Variants in TTC28 observed in about 807,000 individuals in gnomAD.
TTC28 encodes tetratricopeptide repeat domain 28.
In TTC28, 61 loss-of-function variants were observed where a neutral mutation model predicts 198.0. That is an observed-to-expected ratio of 0.31 (90% CI 0.25 to 0.38). The LOEUF is 0.38. Ranked by LOEUF, TTC28 falls within the 10% of genes least tolerant of loss-of-function variation. The pLI is 1.00. For synonymous variants in TTC28, 1,171 were observed against 1,297.8 expected (o/e 0.90, Z 2.10); for missense variants, 2,678 against 3,164.0 (o/e 0.85, Z 3.69).
rs1025742673 is a variant in TTC28 at position 28,101,676 on chromosome 22, T to A, written c.3308-396A>T. On this transcript the variant is annotated intron_variant, in intron 8 of 22. Transcript: ENST00000397906. Reference sequence around the variant, plus strand: ...CCCACCCAATTTTGCTTCAGGTGTCTATAAAAGAATGTTAACAAGAGCCAC... The same window carrying A: ...CCCACCCAATTTTGCTTCAGGTGTCAATAAAAGAATGTTAACAAGAGCCAC... Among the ~76,000 whole-genome samples the A allele has an allele frequency of 4.0e-5, 6 of 149,898 alleles. No homozygotes were observed. The Admixed American group carries it at 4.0e-4, about 10-fold the overall frequency.
At chr22:28,317,812 G>C (rs2045376211) in intron 2 of TTC28, among the ~76,000 whole-genome samples, 1 of 152,154 alleles carries the variant, frequency 6.6e-6, no homozygotes, top group Non-Finnish European at 1.5e-5. Context: ...GAGGAAAAAA[G>C]TATTGTAAAT....
chr22:28,533,246 C>T (rs1325730855), intron 2 of TTC28, among the ~76,000 whole-genome samples: 1 of 152,154 alleles, frequency 6.6e-6, no homozygotes, highest in Non-Finnish European at 1.5e-5. Context: ...AAATCACAAG[C>T]ATTCCTATAC....
At chr22:28,535,697 G>C (rs533607263) in intron 2 of TTC28, among the ~76,000 whole-genome samples, 1 of 151,968 alleles carries the variant, frequency 6.6e-6, no homozygotes, top group Non-Finnish European at 1.5e-5. Context: ...CTTCCCCCTT[G>C]CCAATCTTGT....
intron 8 of TTC28, among the ~76,000 whole-genome samples, chr22:28,102,460 G>C (rs543144310): frequency 6.6e-6 from 1 of 152,272 alleles, no homozygotes; most frequent in East Asian, 1.9e-4. Flanking sequence ...CAACCTTGAG[G>C]GCTTTGTGAG....
intron 6 of TTC28, among the ~76,000 whole-genome samples, chr22:28,127,417 C>A (rs1751792617): frequency 6.6e-6 from 1 of 152,126 alleles, no homozygotes; most frequent in South Asian, 2.1e-4. Flanking sequence ...ACCAACCAAC[C>A]TCCCCTAATC....
At chr22:28,357,371 A>C (rs1485143302) in intron 2 of TTC28, among the ~76,000 whole-genome samples, 1 of 143,268 alleles carries the variant, frequency 7.0e-6, no homozygotes, top group Non-Finnish European at 1.5e-5. Context: ...GGTGGAGTAC[A>C]GTGGTGCAAT....
chr22:28,661,382 C>T (rs1225241793), intron 1 of TTC28, among the ~76,000 whole-genome samples: 3 of 152,144 alleles, frequency 2.0e-5, no homozygotes, highest in Admixed American at 6.5e-5. Context: ...TCAGGTACTA[C>T]ATTAAGTATT....
chr22:28,052,807 A>T (rs533585882), intron 12 of TTC28, among the ~76,000 whole-genome samples: 29 of 152,378 alleles, frequency 1.9e-4, no homozygotes, highest in African/African-American at 7.0e-4. Context: ...TCACAAAGTA[A>T]CTAAACAAGA....
intron 2 of TTC28, among the ~76,000 whole-genome samples, chr22:28,501,383 G>C (rs1001332873): frequency 1.3e-5 from 2 of 152,084 alleles, no homozygotes; most frequent in Non-Finnish European, 2.9e-5. Context: ...AGTAGAAAAT[G>C]GTATGACGTG....
intron 2 of TTC28, among the ~76,000 whole-genome samples, chr22:28,343,740 A>G (rs186636223): frequency 1.6e-4 from 25 of 152,324 alleles, no homozygotes; most frequent in Non-Finnish European, 2.8e-4. Context: ...CAACATTTTC[A>G]TTGAGTACGT....
chr22:28,039,266 A>G (rs1939507183), intron 12 of TTC28, among the ~76,000 whole-genome samples: 1 of 152,212 alleles, frequency 6.6e-6, no homozygotes, highest in African/African-American at 2.4e-5. Context: ...ACTTGGAACC[A>G]ACCCAAATGT....
intron 12 of TTC28, among the ~76,000 whole-genome samples, chr22:28,085,939 A>G (rs1941575355): frequency 6.6e-6 from 1 of 152,178 alleles, no homozygotes; most frequent in Admixed American, 6.5e-5. Flanking sequence ...TGGTAAAGGG[A>G]TCAATTCAAC....
chr22:28,620,874 C>A (rs1355909658), intron 2 of TTC28, among the ~76,000 whole-genome samples: 1 of 152,202 alleles, frequency 6.6e-6, no homozygotes, highest in Admixed American at 6.5e-5. Context: ...GCTCATTCCT[C>A]TCCTCAAAAG....
intron 2 of TTC28, among the ~76,000 whole-genome samples, chr22:28,424,920 T>C (rs1056731844): frequency 6.6e-6 from 1 of 152,208 alleles, no homozygotes; most frequent in Non-Finnish European, 1.5e-5. Context: ...CTCTGGGTTC[T>C]TGGATTAGAA....
chr22:28,430,034 T>C (rs1031843473), intron 2 of TTC28, among the ~76,000 whole-genome samples: 1 of 139,342 alleles, frequency 7.2e-6, no homozygotes, highest in African/African-American at 2.6e-5. Flanking sequence ...CTCTGGAATA[T>C]GATTTTTTTT....
chr22:28,524,997 G>A (rs1449219469), intron 2 of TTC28, among the ~76,000 whole-genome samples: 1 of 152,094 alleles, frequency 6.6e-6, no homozygotes, highest in Non-Finnish European at 1.5e-5. Flanking sequence ...ACCATAAAAT[G>A]TGTTCAAGAC....
chr22:28,481,642 T>C (rs189229394), intron 2 of TTC28, among the ~76,000 whole-genome samples: 46 of 152,258 alleles, frequency 3.0e-4, no homozygotes, highest in Non-Finnish European at 5.3e-4. Flanking sequence ...AATTAGAAAT[T>C]TGTTCTATTA....
chr22:28,209,170 A>G (rs750151017), intron 5 of TTC28, among the ~76,000 whole-genome samples: 14 of 152,292 alleles, frequency 9.2e-5, no homozygotes, highest in Non-Finnish European at 1.9e-4. Flanking sequence ...CTCCTTAGCT[A>G]TAAGAGAGAA....
At position 28,134,653 on chromosome 22, in the gene TTC28, G is replaced by C. The variant is rs560387671; in HGVS notation, c.1442-26250C>G. Among the ~76,000 whole-genome samples the C allele has an allele frequency of 5.1e-3, 771 of 152,276 alleles. 7 individuals are homozygous for C. Among genetic ancestry groups the C allele is most frequent in the African/African-American group, 0.017 (723 of 41,552 alleles). On this transcript the variant is annotated intron_variant, in intron 6 of 22. Coordinates refer to ENST00000397906, the MANE Select transcript of TTC28 (RefSeq NM_001145418.2). ...CGAGAAGAGAAGTTTAGAGAAAAAA[G>C]AGTAAAAAGAAATGAACGAAGCCTC...
Sources: allele counts gnomAD v4.1 joint callset (sites outside exome capture counted in the v4.1 genomes callset), GRCh38; gene constraint gnomAD v4.1.1; transcripts MANE v1.5; gene names NCBI Gene and HGNC (gene_info 2026-07-23, HGNC 2026-07-21).